Variants in AEBP2 observed in about 807,000 individuals in gnomAD.
AEBP2 encodes zinc finger protein AEBP2.
Under a neutral mutation model 50.8 loss-of-function variants are expected in AEBP2, and 10 were observed. That is an observed-to-expected ratio of 0.20 (90% CI 0.12 to 0.33). AEBP2 has a LOEUF of 0.33. Among genes scored for constraint, AEBP2 ranks in the 10% least tolerant of loss-of-function variants. The probability of loss-of-function intolerance (pLI) is 1.00; values close to 1 mark genes in which losing one functional copy is unlikely to be tolerated. For synonymous variants in AEBP2, 296 were observed against 261.3 expected (o/e 1.13, Z -1.28); for missense variants, 570 against 688.0 (o/e 0.83, Z 1.92).
chr12:19,476,123 A>T (rs1269479950), intron 3 of AEBP2, among the ~76,000 whole-genome samples: 1 of 152,184 alleles, frequency 6.6e-6, no homozygotes, highest in African/African-American at 2.4e-5. Context: ...GTTCTTGGTC[A>T]TAAACTCTTT....
At chr12:19,472,721 G>A (rs1296375098) in intron 2 of AEBP2, among the ~76,000 whole-genome samples, 1 of 151,986 alleles carries the variant, frequency 6.6e-6, no homozygotes, top group Non-Finnish European at 1.5e-5. Context: ...TGTGAGACCA[G>A]GATATCACCA....
intron 3 of AEBP2, among the ~76,000 whole-genome samples, chr12:19,474,173 A>G (rs1428360881): frequency 6.6e-6 from 1 of 152,200 alleles, no homozygotes; most frequent in Non-Finnish European, 1.5e-5. Context: ...GGAAATCTTT[A>G]TAAAGAGCAA....
intron 1 of AEBP2, among the ~76,000 whole-genome samples, chr12:19,410,138 G>A (rs986988800): frequency 2.0e-5 from 3 of 152,046 alleles, no homozygotes; most frequent in African/African-American, 7.2e-5. Context: ...TAGGGCCAGC[G>A]CCCTAATCTT....
At chr12:19,464,915 T>A (rs1283586340) in intron 2 of AEBP2, among the ~76,000 whole-genome samples, 1 of 152,062 alleles carries the variant, frequency 6.6e-6, no homozygotes. Flanking sequence ...AATAATTAAA[T>A]ATGTCATGTA....
chr12:19,476,048 CAGA>C, intron 3 of AEBP2, among the ~76,000 whole-genome samples: 1 of 152,130 alleles, frequency 6.6e-6, no homozygotes, highest in East Asian at 1.9e-4. Flanking sequence ...TTTTTATGTG[CAGA>C]AGCTTTTTAG....
rs1252224350 is a variant in AEBP2, at chr12:19,521,796, T to C, written c.*3679T>C. On this transcript the variant is annotated 3_prime_UTR_variant, in exon 8 of 8. Transcript: ENST00000266508. ...TTGTTTAAAGCATTTTTATTTTTTCTTTGAATTCTTAATTCATGGTGAACA... is the reference window on the plus strand; with the variant it reads ...TTGTTTAAAGCATTTTTATTTTTTCCTTGAATTCTTAATTCATGGTGAACA... 6.6e-6 allele frequency: 1 copy of C among 152,160 alleles called. No homozygotes were observed. The highest frequency in any genetic ancestry group is 2.4e-5 in the African/African-American group (1 of 41,462). The allele number at this position is 152,160 out of a possible 1,614,324, so 9.4% of individuals were successfully genotyped here. A position where few individuals can be genotyped will look rare whatever the true frequency, so the allele number is the denominator to read the frequency against.
chr12:19,481,195 G>A (rs1286258122), intron 3 of AEBP2, among the ~76,000 whole-genome samples: 2 of 142,054 alleles, frequency 1.4e-5, no homozygotes, highest in African/African-American at 5.2e-5. Flanking sequence ...CCGCCTTCCA[G>A]GTTCAAGTGA....
chr12:19,494,073 C>T (rs1948933732), intron 4 of AEBP2, 87 bp downstream of exon 4: 6 of 1,375,350 alleles, frequency 4.4e-6, no homozygotes, highest in African/African-American at 2.9e-5. Flanking sequence ...TGAACTTCAA[C>T]TCCTCTTCTA....
upstream of AEBP2, among the ~76,000 whole-genome samples, chr12:19,435,577 T>C (rs1218167652): frequency 6.6e-6 from 1 of 152,098 alleles, no homozygotes; most frequent in South Asian, 2.1e-4. Context: ...TTCAATCTAA[T>C]ATTTAACTAT....
chr12:19,495,102 C>T lies in AEBP2; in HGVS notation c.1174+1116C>T, dbSNP rs764955318. 2.2e-4 allele frequency among the ~76,000 whole-genome samples: 34 copies of T among 152,084 alleles called. 1 individual carries two copies. The highest frequency in any genetic ancestry group is 3.7e-4 in the Non-Finnish European group (25 of 68,022). On this transcript the variant is annotated intron_variant, in intron 4 of 7. Transcript: ENST00000266508. ...TATATTTTTAGTAGAGGTGGGGTTTCGCCATGTGGCCAGGCTGGTCTTGAA... is the reference window on the plus strand; with the variant it reads ...TATATTTTTAGTAGAGGTGGGGTTTTGCCATGTGGCCAGGCTGGTCTTGAA...
At chr12:19,431,281 T>G (rs1415160767) in intron 1 of AEBP2, among the ~76,000 whole-genome samples, 1 of 152,252 alleles carries the variant, frequency 6.6e-6, no homozygotes, top group Non-Finnish European at 1.5e-5. Flanking sequence ...TATTAAATAT[T>G]AAGTTTAGGT....
At position 19,518,805 on chromosome 12, in the gene AEBP2, C is replaced by G; in HGVS notation, c.*688C>G. On this transcript the variant is annotated 3_prime_UTR_variant, in exon 8 of 8. Coordinates refer to ENST00000266508, the MANE Select transcript of AEBP2 (RefSeq NM_153207.5). The stretch of plus-strand genomic sequence containing the variant: ...AAGAGTGTTGCAGTATGTCTGGTGG[C>G]TCCCTTTTCAGGACTAGGGCTTTCT... 1.6e-6 allele frequency: 2 copies of G among 1,244,368 alleles called. No homozygotes were observed. Among genetic ancestry groups the G allele is most frequent in the African/African-American group, 3.0e-5 (2 of 67,092 alleles). The allele number at this position is 1,244,368 out of a possible 1,614,324, so 77.1% of individuals were successfully genotyped here.
chr12:19,506,249 G>A (rs553117273), intron 5 of AEBP2, among the ~76,000 whole-genome samples: 7 of 151,934 alleles, frequency 4.6e-5, no homozygotes, highest in East Asian at 1.9e-4. Flanking sequence ...CTAAATTAGC[G>A]TCCCCATGCC....
intron 3 of AEBP2, among the ~76,000 whole-genome samples, chr12:19,479,902 A>G (rs1463807726): frequency 1.3e-5 from 2 of 151,744 alleles, no homozygotes; most frequent in Non-Finnish European, 2.9e-5. Flanking sequence ...AAGACAGCAG[A>G]TACTTGGTTG....
chr12:19,467,719 T>C (rs375725906), intron 2 of AEBP2, among the ~76,000 whole-genome samples: 6 of 152,312 alleles, frequency 3.9e-5, no homozygotes, highest in African/African-American at 1.2e-4. Flanking sequence ...TGTAGGACTT[T>C]AGAGGCTCAG....
At chr12:19,456,687 G>A in intron 1 of AEBP2, 2 of 1,575,944 alleles carry the variant, frequency 1.3e-6, no homozygotes, top group Non-Finnish European at 1.7e-6. Flanking sequence ...ATCCTTGACA[G>A]ACACATTCTT....
At position 19,486,053 on chromosome 12, in the gene AEBP2, G is replaced by A. The variant is rs529447900; in HGVS notation, c.988-7747G>A. Reference sequence around the variant, plus strand: ...GTTTAATGATTTGTTTCTTATGTTCGTATGCACATTTGTAACTACCATCCT... The same window carrying A: ...GTTTAATGATTTGTTTCTTATGTTCATATGCACATTTGTAACTACCATCCT... On this transcript the variant is annotated intron_variant, in intron 3 of 7. Transcript: ENST00000266508. Among the ~76,000 whole-genome samples the A allele has an allele frequency of 1.7e-4, 25 of 147,878 alleles. No homozygotes were observed. In the Middle Eastern group the frequency reaches 0.014, roughly 86 times the overall value.
At chr12:19,420,287 C>G (rs528327305) in intron 1 of AEBP2, among the ~76,000 whole-genome samples, 12 of 151,202 alleles carry the variant, frequency 7.9e-5, no homozygotes, top group African/African-American at 2.9e-4. Flanking sequence ...CCTTGGCCTC[C>G]CAAAGTGCTG....
intron 4 of AEBP2, among the ~76,000 whole-genome samples, chr12:19,498,509 T>C (rs1949019665): frequency 6.6e-6 from 1 of 152,224 alleles, no homozygotes; most frequent in African/African-American, 2.4e-5. Flanking sequence ...GGTGGATTTG[T>C]GTAGATGTTT....
Sources: gnomAD v4.1 joint callset for allele counts (sites outside exome capture counted in the v4.1 genomes callset) on GRCh38, gnomAD v4.1.1 for gene constraint, MANE v1.5 for transcripts, NCBI Gene and HGNC (gene_info 2026-07-23, HGNC 2026-07-21) for gene names.